ARL15: variants seen among roughly 807,000 people sequenced by gnomAD.
ARL15 encodes ARF like GTPase 15.
ARL15 carries 19 observed loss-of-function variants against 25.2 expected under a neutral mutation model. The ratio of observed to expected loss-of-function variants is 0.75; its 90% CI spans 0.53 to 1.10. The LOEUF is 1.10. ARL15 is among the 50% of genes least tolerant of loss of function. The pLI is 0.00. For missense variants in ARL15, 220 were observed against 246.0 expected (o/e 0.89, Z 0.71); for synonymous variants, 94 against 86.8 (o/e 1.08, Z -0.46).
At position 54,249,426 on chromosome 5, in the gene ARL15, A is replaced by T. The variant is rs1757181152; in HGVS notation, c.48+61006T>A. ...ATAGAAGATACTTGAGTCAACGAAG[A>T]AGGAAAGACAGAAGAAGATATAAGA... On this transcript the variant is annotated intron_variant, in intron 1 of 4. Coordinates refer to ENST00000504924, the MANE Select transcript of ARL15 (RefSeq NM_019087.3). 2.6e-5 allele frequency among the ~76,000 whole-genome samples: 4 copies of T among 152,328 alleles called. No individual in the cohort carries two copies. In the South Asian group the frequency reaches 8.3e-4, roughly 32 times the overall value.
chr5:53,968,485 C>A (rs576943721), intron 4 of ARL15, among the ~76,000 whole-genome samples: 4 of 152,140 alleles, frequency 2.6e-5, no homozygotes, highest in Admixed American at 2.0e-4. Flanking sequence ...AATTTCATAG[C>A]CAAATCAAAT....
chr5:54,188,456 G>A (rs981415386), intron 1 of ARL15, among the ~76,000 whole-genome samples: 5 of 152,104 alleles, frequency 3.3e-5, no homozygotes, highest in Non-Finnish European at 2.9e-5. Flanking sequence ...AGCAAGAAAG[G>A]GCATGCTCAT....
At chr5:54,271,345 G>C (rs1416940063) in intron 1 of ARL15, among the ~76,000 whole-genome samples, 2 of 152,108 alleles carry the variant, frequency 1.3e-5, no homozygotes, top group African/African-American at 2.4e-5. Context: ...AAAATCCACA[G>C]ATTCTCAAAT....
At chr5:54,116,442 T>C (rs1348878884) in intron 3 of ARL15, among the ~76,000 whole-genome samples, 4 of 152,112 alleles carry the variant, frequency 2.6e-5, no homozygotes, top group Admixed American at 6.6e-5. Flanking sequence ...GTGGTAAGTG[T>C]TTAAAACAAC....
intron 4 of ARL15, among the ~76,000 whole-genome samples, chr5:54,101,918 C>A (rs183466841): frequency 2.3e-4 from 35 of 151,718 alleles, no homozygotes; most frequent in African/African-American, 4.8e-4. Flanking sequence ...ATATTCATGG[C>A]TGTCTATTTA....
intron 4 of ARL15, among the ~76,000 whole-genome samples, chr5:54,034,984 T>C (rs1561197216): frequency 6.6e-6 from 1 of 152,114 alleles, no homozygotes; most frequent in African/African-American, 2.4e-5. Flanking sequence ...AATATACTTT[T>C]TGAATGACTT....
At chr5:54,274,137 T>C (rs1225949177) in intron 1 of ARL15, among the ~76,000 whole-genome samples, 1 of 152,102 alleles carries the variant, frequency 6.6e-6, no homozygotes, top group African/African-American at 2.4e-5. Flanking sequence ...GCTTGGCAGC[T>C]GAACGGGCTG....
intron 4 of ARL15, among the ~76,000 whole-genome samples, chr5:53,910,875 T>C (rs905919215): frequency 5.9e-5 from 9 of 151,870 alleles, no homozygotes; most frequent in Non-Finnish European, 4.4e-5. Flanking sequence ...TTGAGCATTA[T>C]TATAGTTGCC....
At chr5:53,981,052 A>C (rs1031478866) in intron 4 of ARL15, among the ~76,000 whole-genome samples, 1 of 152,174 alleles carries the variant, frequency 6.6e-6, no homozygotes, top group East Asian at 1.9e-4. Context: ...AAGGAACCCG[A>C]CTGCACAGGG....
At chr5:53,980,925 G>A (rs1037270993) in intron 4 of ARL15, among the ~76,000 whole-genome samples, 9 of 152,080 alleles carry the variant, frequency 5.9e-5, no homozygotes, top group Non-Finnish European at 1.3e-4. Flanking sequence ...AGGCTGCAGT[G>A]AGCTATAATC....
intron 4 of ARL15, among the ~76,000 whole-genome samples, chr5:53,969,944 G>C (rs1747681720): frequency 6.6e-6 from 1 of 152,202 alleles, no homozygotes; most frequent in Admixed American, 6.5e-5. Context: ...ATGAGCATAT[G>C]TAAATGAAAA....
intron 3 of ARL15, among the ~76,000 whole-genome samples, chr5:54,135,410 G>A (rs1422160171): frequency 6.6e-6 from 1 of 152,192 alleles, no homozygotes; most frequent in Non-Finnish European, 1.5e-5. Context: ...GATCGTGATA[G>A]ACCTGGAGAC....
chr5:54,248,648 G>A (rs766795497), intron 1 of ARL15, among the ~76,000 whole-genome samples: 1 of 152,100 alleles, frequency 6.6e-6, no homozygotes, highest in African/African-American at 2.4e-5. Flanking sequence ...TTCTCTACTC[G>A]AATGTAAGTT....
intron 4 of ARL15, among the ~76,000 whole-genome samples, chr5:53,889,812 T>C: frequency 1.6e-5 from 2 of 128,854 alleles, no homozygotes; most frequent in East Asian, 6.1e-4. Flanking sequence ...TTCTGACTGT[T>C]TTTTTTTTTT....
rs539865563 is a variant in ARL15, at chr5:54,213,672, T to C, written c.49-41744A>G. On this transcript the variant is annotated intron_variant, in intron 1 of 4. Transcript: ENST00000504924. ...GTTTAGCAAAAATGTTCCCATATTT[T>C]TTTGAGAAGTCTTCCAGTTTTATAT... 1.1e-4 allele frequency among the ~76,000 whole-genome samples: 17 copies of C among 152,276 alleles called. No individual in the cohort carries two copies. In the South Asian group the frequency reaches 3.3e-3, roughly 30 times the overall value.
chr5:53,965,324 GCTGAAGCTCTGCAACT>G (rs1747517255), intron 4 of ARL15, among the ~76,000 whole-genome samples: 1 of 152,172 alleles, frequency 6.6e-6, no homozygotes. Flanking sequence ...TAAGTGGAAG[GCTGAAGCTCTGCAACT>G]CATAGTGTAA....
At chr5:54,203,812 G>A (rs1053575253) in intron 1 of ARL15, among the ~76,000 whole-genome samples, 5 of 152,004 alleles carry the variant, frequency 3.3e-5, no homozygotes, top group Admixed American at 1.3e-4. Context: ...GAACAAAAAG[G>A]GTTGGTTGGT....
chr5:54,095,933 T>A (rs906426847), intron 4 of ARL15, among the ~76,000 whole-genome samples: 1 of 152,158 alleles, frequency 6.6e-6, no homozygotes, highest in African/African-American at 2.4e-5. Flanking sequence ...TTTAAAAAAA[T>A]TTAATGACAG....
chr5:54,107,026 G>C (rs552966202), intron 4 of ARL15, among the ~76,000 whole-genome samples: 3 of 152,192 alleles, frequency 2.0e-5, no homozygotes, highest in African/African-American at 7.2e-5. Flanking sequence ...GGAAGAAAGA[G>C]AGGTTTAACT....
Sources: gnomAD v4.1 joint callset for allele counts (sites outside exome capture counted in the v4.1 genomes callset) on GRCh38, gnomAD v4.1.1 for gene constraint, MANE v1.5 for transcripts, NCBI Gene and HGNC (gene_info 2026-07-23, HGNC 2026-07-21) for gene names.